Variants in ARID1B observed in about 807,000 individuals in gnomAD.
ARID1B encodes AT-rich interactive domain-containing protein 1B.
ARID1B carries 30 observed loss-of-function variants against 212.3 expected under a neutral mutation model. The observed-to-expected ratio is 0.14, with a 90% confidence interval of 0.11 to 0.19. ARID1B has a LOEUF of 0.19. ARID1B is among the 10% of genes least tolerant of loss of function. ARID1B has a pLI of 1.00. For missense variants in ARID1B, 2,891 were observed against 3,204.0 expected, an observed-to-expected ratio of 0.90 and a Z score of 2.36; for synonymous variants, 1,402 against 1,301.7, an observed-to-expected ratio of 1.08 and a Z score of -1.66.
At chr6:156,961,952 A>T (rs1794408602) in intron 4 of ARID1B, among the ~76,000 whole-genome samples, 1 of 152,112 alleles carries the variant, frequency 6.6e-6, no homozygotes, top group Non-Finnish European at 1.5e-5. Flanking sequence ...GGGTCAGTAA[A>T]TGGACTGATT....
At chr6:157,163,833 C>A (rs144092153) in intron 8 of ARID1B, among the ~76,000 whole-genome samples, 4,293 of 152,346 alleles carry the variant, frequency 0.028, 79 homozygotes, top group Non-Finnish European at 0.043. Context: ...AGGAGCCAGG[C>A]ACTTGGTCTC....
intron 5 of ARID1B, among the ~76,000 whole-genome samples, chr6:157,095,955 G>A (rs1286110700): frequency 1.3e-5 from 2 of 152,128 alleles, no homozygotes; most frequent in African/African-American, 2.4e-5. Flanking sequence ...AGAAGCCGAC[G>A]GAGGAACTAG....
chr6:157,035,023 A>G (rs1781236720), intron 4 of ARID1B, among the ~76,000 whole-genome samples: 2 of 152,156 alleles, frequency 1.3e-5, no homozygotes, highest in Admixed American at 1.3e-4. Flanking sequence ...CCCACCCACA[A>G]GGTCTGTCAC....
At chr6:157,178,102 A>G (rs1487627542) in intron 11 of ARID1B, among the ~76,000 whole-genome samples, 1 of 152,216 alleles carries the variant, frequency 6.6e-6, no homozygotes, top group Non-Finnish European at 1.5e-5. Context: ...GAGTGCTGGC[A>G]GCGGACGCAA....
intron 4 of ARID1B, among the ~76,000 whole-genome samples, chr6:157,046,358 G>A (rs1469524234): frequency 6.6e-6 from 1 of 152,118 alleles, no homozygotes; most frequent in Non-Finnish European, 1.5e-5. Flanking sequence ...GAGCTGTTAG[G>A]GGTCTCACCT....
intron 2 of ARID1B, among the ~76,000 whole-genome samples, chr6:156,877,385 A>C (rs1786646226): frequency 1.3e-5 from 2 of 152,048 alleles, no homozygotes; most frequent in African/African-American, 4.8e-5. Flanking sequence ...TTCACTCTGC[A>C]CTGTGCTGTA....
intron 4 of ARID1B, among the ~76,000 whole-genome samples, chr6:157,048,996 A>G (rs1435953098): frequency 5.9e-5 from 9 of 152,030 alleles, no homozygotes; most frequent in Non-Finnish European, 1.0e-4. Flanking sequence ...CAACATGGTA[A>G]AGCCCCATCT....
chr6:156,834,800 T>C (rs1030186755), intron 2 of ARID1B, among the ~76,000 whole-genome samples: 12 of 152,182 alleles, frequency 7.9e-5, no homozygotes, highest in Admixed American at 1.3e-4. Context: ...GTTTCCTCAG[T>C]TGTTCTTCAG....
In ARID1B at chr6:156,778,958, CGCGGCGGCGGCGGCA is replaced by C. The variant is rs1457993750; in HGVS notation, c.1281_1295del (p.Ala429_Ala433del). 1.2e-5 allele frequency: 15 copies of C among 1,272,614 alleles called. No homozygotes were observed. Among genetic ancestry groups the C allele is most frequent in the Middle Eastern group, 2.9e-4 (1 of 3,434 alleles). The allele number at this position is 1,272,614 out of a possible 1,614,324, so 78.8% of individuals were successfully genotyped here. On this transcript the variant is annotated inframe_deletion, in exon 1 of 20. Coordinates refer to ENST00000636930, the MANE Select transcript of ARID1B (RefSeq NM_001374828.1). The stretch of plus-strand genomic sequence containing the variant: ...GAGCGGGAGCTGTGGCGGCGGCGGC[CGCGGCGGCGGCGGCA>C]GCAGCAGGAGGCGGCGGCGGCGGCG...
chr6:156,984,272 A>C (rs1378872769), intron 4 of ARID1B, among the ~76,000 whole-genome samples: 1 of 152,164 alleles, frequency 6.6e-6, no homozygotes, highest in Non-Finnish European at 1.5e-5. Context: ...TAGTTTAATA[A>C]TCATTGGAAC....
At chr6:156,994,477 G>A (rs1778465180) in intron 4 of ARID1B, among the ~76,000 whole-genome samples, 1 of 150,216 alleles carries the variant, frequency 6.7e-6, no homozygotes. Flanking sequence ...CCAAAAGGAG[G>A]AAATGATACT....
intron 7 of ARID1B, among the ~76,000 whole-genome samples, chr6:157,146,161 T>G (rs1282675347): frequency 2.0e-5 from 3 of 152,022 alleles, no homozygotes; most frequent in Admixed American, 6.5e-5. Context: ...GTCCCCAGCC[T>G]CTCAGCCATA....
Position 156,991,190 on chromosome 6 carries a change from A to G in ARID1B, c.2247+55614A>G, listed in dbSNP as rs116124167. 4.5e-3 allele frequency among the ~76,000 whole-genome samples: 683 copies of G among 152,124 alleles called. 5 individuals carry two copies. The highest frequency in any genetic ancestry group is 0.015 in the African/African-American group (637 of 41,510). On this transcript the variant is annotated intron_variant, in intron 4 of 19. Coordinates refer to ENST00000636930, the MANE Select transcript of ARID1B (RefSeq NM_001374828.1). ...TGCAGATGCTAGCCTGTCTCTTGTGATACTCATTGGGAAATGGGGATGCAT... is the reference window on the plus strand; with the variant it reads ...TGCAGATGCTAGCCTGTCTCTTGTGGTACTCATTGGGAAATGGGGATGCAT...
At chr6:157,177,167 T>G (rs1197862860) in intron 11 of ARID1B, among the ~76,000 whole-genome samples, 1 of 152,228 alleles carries the variant, frequency 6.6e-6, no homozygotes, top group Non-Finnish European at 1.5e-5. Flanking sequence ...TAAATAGTTT[T>G]AAGAATTTGC....
chr6:157,139,467 G>A (rs1438488122), intron 7 of ARID1B, among the ~76,000 whole-genome samples: 1 of 152,178 alleles, frequency 6.6e-6, no homozygotes. Context: ...CCCTCCACCT[G>A]TGGTTAGCGG....
In ARID1B at chr6:157,053,366, G is replaced by A. The variant is rs568510519; in HGVS notation, c.2248-31296G>A. Reference sequence around the variant, plus strand: ...CTCCCAAAGTTCTGGGATTACAGGTGTGAGCCACCACCCCTGGCCTATCAT... The same window carrying A: ...CTCCCAAAGTTCTGGGATTACAGGTATGAGCCACCACCCCTGGCCTATCAT... On this transcript the variant is annotated intron_variant, in intron 4 of 19. Transcript: ENST00000636930. Among the ~76,000 whole-genome samples, 3 of 152,316 alleles carry A rather than the reference G, an allele frequency of 2.0e-5. No individual in the cohort carries two copies. The South Asian group carries it at 6.2e-4, about 32-fold the overall frequency.
intron 1 of ARID1B, among the ~76,000 whole-genome samples, chr6:156,797,490 G>A (rs1214045996): frequency 3.3e-5 from 5 of 152,178 alleles, no homozygotes; most frequent in Non-Finnish European, 7.3e-5. Flanking sequence ...TCCATTGCCC[G>A]TGGTTGAAAT....
At chr6:156,903,959 T>C (rs1789154827) in intron 3 of ARID1B, among the ~76,000 whole-genome samples, 1 of 152,224 alleles carries the variant, frequency 6.6e-6, no homozygotes, top group Admixed American at 6.5e-5. Flanking sequence ...CCTGACTTTG[T>C]GTCTTCAATA....
chr6:157,124,638 T>C (rs28548944), intron 6 of ARID1B, among the ~76,000 whole-genome samples: 1 of 152,216 alleles, frequency 6.6e-6, no homozygotes, highest in Admixed American at 6.5e-5. Flanking sequence ...TTCCATGATA[T>C]GTAAAATATC....
Sources: gnomAD v4.1 joint callset for allele counts (sites outside exome capture counted in the v4.1 genomes callset) on GRCh38, gnomAD v4.1.1 for gene constraint, MANE v1.5 for transcripts, NCBI Gene and HGNC (gene_info 2026-07-23, HGNC 2026-07-21) for gene names.